The following NT5M variants were observed in gnomAD, a reference collection of about 807,000 sequenced individuals.
NT5M encodes 5',3'-nucleotidase, mitochondrial, also known as 5'(3')-deoxyribonucleotidase, mitochondrial.
NT5M carries 22 observed loss-of-function variants against 22.2 expected under a neutral mutation model. That is an observed-to-expected ratio of 0.99 (90% CI 0.71 to 1.41). NT5M has a LOEUF of 1.41. Among genes scored for constraint, NT5M ranks in the 40% most tolerant of loss-of-function variants. The probability of loss-of-function intolerance (pLI) is 0.00; values close to 1 mark genes in which losing one functional copy is unlikely to be tolerated. For missense variants in NT5M, 322 were observed against 314.8 expected (o/e 1.02, Z -0.17); for synonymous variants, 167 against 133.0 (o/e 1.26, Z -1.76).
intron 3 of NT5M, among the ~76,000 whole-genome samples, chr17:17,334,710 G>C (rs1033794498): frequency 6.6e-6 from 1 of 151,912 alleles, no homozygotes; most frequent in Non-Finnish European, 1.5e-5. Flanking sequence ...TCCTGACCTT[G>C]TGATCCGCCC....
rs148868299 is a variant in NT5M at position 17,306,339 on chromosome 17, C to T, written c.268-204C>T. Among the ~76,000 whole-genome samples the T allele has an allele frequency of 4.8e-3, 729 of 152,256 alleles. 9 individuals are homozygous for T. The highest frequency in any genetic ancestry group is 0.015 in the African/African-American group (624 of 41,566). ...ACCTTTGCTGGTCTCTGCTGGATCC[C>T]GACGAAGTCAGGTCCTTTCTGGAAA... On this transcript the variant is annotated intron_variant, in intron 1 of 4. Coordinates refer to ENST00000389022, the MANE Select transcript of NT5M (RefSeq NM_020201.4).
At chr17:17,329,495 C>A (rs900264274) in intron 3 of NT5M, among the ~76,000 whole-genome samples, 1 of 152,128 alleles carries the variant, frequency 6.6e-6, no homozygotes, top group African/African-American at 2.4e-5. Context: ...AAATCCGTGT[C>A]AGGTTCTTCA....
At chr17:17,341,621 A>T (rs2049643115) in intron 3 of NT5M, among the ~76,000 whole-genome samples, 1 of 152,212 alleles carries the variant, frequency 6.6e-6, no homozygotes, top group Admixed American at 6.5e-5. Context: ...AGAGATACTC[A>T]CGTGAGAAGC....
At chr17:17,319,572 C>T (rs970351836) in intron 2 of NT5M, among the ~76,000 whole-genome samples, 5 of 152,048 alleles carry the variant, frequency 3.3e-5, no homozygotes, top group Non-Finnish European at 4.4e-5. Context: ...ACACTATGGG[C>T]GAATATCAGA....
chr17:17,323,176 T>C lies in NT5M; in HGVS notation c.369-9T>C, dbSNP rs754569363. On this transcript the variant is annotated splice_polypyrimidine_tract_variant and intron_variant, in intron 2 of 4. Coordinates refer to ENST00000389022, the MANE Select transcript of NT5M (RefSeq NM_020201.4). ...GCTGCAGGCTCAACCTCCTTTCTCT[T>C]GTTGACAGCACTGACGTCTTCATCT... 6 of 1,613,592 alleles carry C rather than the reference T, an allele frequency of 3.7e-6. 1 individual carries two copies. The South Asian group carries it at 5.5e-5, about 15-fold the overall frequency.
rs192703133 is a variant in NT5M at position 17,313,811 on chromosome 17, C to T, written c.368+7168C>T. ...TGCCATCTTGAGGAATGAAAAGGAACCTGCCAGGTAGTGAAGGGCAAGGGG... is the reference window on the plus strand; with the variant it reads ...TGCCATCTTGAGGAATGAAAAGGAATCTGCCAGGTAGTGAAGGGCAAGGGG... On this transcript the variant is annotated intron_variant, in intron 2 of 4. Transcript: ENST00000389022. Among the ~76,000 whole-genome samples, 1,138 of 152,266 alleles carry T rather than the reference C, an allele frequency of 7.5e-3. 11 individuals carry two copies. Among genetic ancestry groups the T allele is most frequent in the Non-Finnish European group, 0.01 (684 of 68,022 alleles).
chr17:17,308,668 A>G (rs1303857259), intron 2 of NT5M, among the ~76,000 whole-genome samples: 1 of 152,060 alleles, frequency 6.6e-6, no homozygotes, highest in Non-Finnish European at 1.5e-5. Flanking sequence ...ACCATCCACA[A>G]AGTTGTGCAA....
intron 3 of NT5M, among the ~76,000 whole-genome samples, chr17:17,324,870 A>G (rs2049232781): frequency 6.6e-6 from 1 of 152,188 alleles, no homozygotes; most frequent in Non-Finnish European, 1.5e-5. Context: ...TTAACACGCT[A>G]GGAGCACGAG....
intron 4 of NT5M, 147 bp downstream of exon 4, chr17:17,345,055 A>T (rs1437224509): frequency 3.2e-6 from 4 of 1,266,438 alleles, no homozygotes; most frequent in Non-Finnish European, 3.2e-6. Flanking sequence ...TCGGGAAGAC[A>T]AGGCCCCCTC....
chr17:17,311,255 G>A (rs1471889766), intron 2 of NT5M, among the ~76,000 whole-genome samples: 6 of 151,524 alleles, frequency 4.0e-5, no homozygotes, highest in Non-Finnish European at 7.4e-5. Flanking sequence ...GGAGAATCGC[G>A]TGAACCTGGG....
intron 2 of NT5M, 41 bp downstream of exon 2, chr17:17,306,684 C>A (rs2145312961): frequency 1.5e-6 from 2 of 1,359,574 alleles, no homozygotes; most frequent in East Asian, 4.6e-5. Context: ...TTTGTCTGAG[C>A]AGCCACTGAG....
chr17:17,305,450 A>G (rs1269652276), intron 1 of NT5M, among the ~76,000 whole-genome samples: 5 of 125,772 alleles, frequency 4.0e-5, no homozygotes, highest in Non-Finnish European at 7.8e-5. Flanking sequence ...AGGCATTTCT[A>G]CTTTTCAAAA....
chr17:17,337,628 C>T (rs1179617511), intron 3 of NT5M, among the ~76,000 whole-genome samples: 1 of 151,930 alleles, frequency 6.6e-6, no homozygotes, highest in Non-Finnish European at 1.5e-5. Context: ...TGGTCTTGAA[C>T]TCCTGCCCAC....
chr17:17,331,984 G>T (rs2049397664), intron 3 of NT5M, among the ~76,000 whole-genome samples: 1 of 151,470 alleles, frequency 6.6e-6, no homozygotes, highest in Admixed American at 6.6e-5. Flanking sequence ...GTTTCAGTGT[G>T]TTGGCCAGGA....
chr17:17,347,040 T>A lies in NT5M; in HGVS notation c.*93T>A. ...GCCAGTATGCTGGTCTGGGAGTCCC[T>A]CCTAGACTCCTGGGCCCCATGACCT... On this transcript the variant is annotated 3_prime_UTR_variant, in exon 5 of 5. Transcript: ENST00000389022. The A allele has an allele frequency of 6.8e-7, 1 of 1,468,866 alleles. No individual in the cohort carries two copies. Among genetic ancestry groups the A allele is most frequent in the Non-Finnish European group, 9.2e-7 (1 of 1,092,356 alleles). The allele number at this position is 1,468,866 out of a possible 1,614,324, so 91.0% of individuals were successfully genotyped here. A position where few individuals can be genotyped will look rare whatever the true frequency, so the allele number is the denominator to read the frequency against.
rs565920653 is a variant in NT5M, at chr17:17,344,337, C to T, written c.430-457C>T. Among the ~76,000 whole-genome samples the T allele has an allele frequency of 2.6e-5, 4 of 152,324 alleles. No individual in the cohort carries two copies. In the South Asian group the frequency reaches 8.3e-4, roughly 32 times the overall value. On this transcript the variant is annotated intron_variant, in intron 3 of 4. Coordinates refer to ENST00000389022, the MANE Select transcript of NT5M (RefSeq NM_020201.4). ...AGGGCCTTGACCGCTGTCTCCTCAG[C>T]TGTAAGCTCCCTGAGGGTAGGAACT...
chr17:17,333,298 TTC>T (rs1317111941), intron 3 of NT5M, among the ~76,000 whole-genome samples: 1 of 152,188 alleles, frequency 6.6e-6, no homozygotes, highest in Non-Finnish European at 1.5e-5. Flanking sequence ...TATTTTAATT[TTC>T]TTTTTCTTTT....
At chr17:17,329,501 C>T (rs2145396855) in intron 3 of NT5M, among the ~76,000 whole-genome samples, 1 of 152,280 alleles carries the variant, frequency 6.6e-6, no homozygotes, top group East Asian at 1.9e-4. Context: ...GTGTCAGGTT[C>T]TTCATGCACA....
intron 2 of NT5M, among the ~76,000 whole-genome samples, chr17:17,316,693 TTTTTGTTTTG>T (rs145399562): frequency 1.4e-5 from 2 of 147,730 alleles, no homozygotes; most frequent in African/African-American, 2.5e-5. Flanking sequence ...AGGGTTTTGT[TTTTTGTTTTG>T]TTTTGTTTTG....
Sources: allele counts gnomAD v4.1 joint callset (sites outside exome capture counted in the v4.1 genomes callset), GRCh38; gene constraint gnomAD v4.1.1; transcripts MANE v1.5; gene names NCBI Gene and HGNC (gene_info 2026-07-23, HGNC 2026-07-21).